TMEM117: variants seen among roughly 807,000 people sequenced by gnomAD.
TMEM117 encodes transmembrane protein 117.
In TMEM117, 27 loss-of-function variants were observed where a neutral mutation model predicts 52.4. That is an observed-to-expected ratio of 0.51 (90% CI 0.38 to 0.71). The LOEUF is 0.71. Among genes scored for constraint, TMEM117 ranks in the 30% least tolerant of loss-of-function variants. TMEM117 has a pLI of 0.00. For synonymous variants in TMEM117, 215 were observed against 206.3 expected, an observed-to-expected ratio of 1.04 and a Z score of -0.36; for missense variants, 556 against 630.5, an observed-to-expected ratio of 0.88 and a Z score of 1.26.
chr12:44,189,763 C>T (rs1316878789), intron 4 of TMEM117, among the ~76,000 whole-genome samples: 2 of 152,154 alleles, frequency 1.3e-5, no homozygotes, highest in South Asian at 2.1e-4. Context: ...GTAAAATCAA[C>T]TTTTCTGCAT....
chr12:44,101,252 C>CATATGTTGAA (rs1947856354), intron 3 of TMEM117, among the ~76,000 whole-genome samples: 1 of 151,510 alleles, frequency 6.6e-6, no homozygotes, highest in African/African-American at 2.4e-5. Context: ...TCAACATAAT[C>CATATGTTGAA]CTATGTTGAA....
chr12:44,303,253 T>C (rs1217754982), intron 6 of TMEM117, among the ~76,000 whole-genome samples: 1 of 152,036 alleles, frequency 6.6e-6, no homozygotes, highest in South Asian at 2.1e-4. Context: ...TTCTCTATGT[T>C]GGTCAGGCTG....
At position 44,211,382 on chromosome 12, in the gene TMEM117, A is replaced by T; in HGVS notation, c.603A>T (p.Leu201Phe). ...AGAAAGGAAATGTTAGGATCACTTT[A>T]TTCTGGTAGGAAATTGTTTCACTTA... Reference protein sequence around the residue: ...FWKKGNVRITLFWTVLFTLTS... With the variant: ...FWKKGNVRITFFWTVLFTLTS... The change falls in exon 5 of 8, where the codon TTA becomes TTT. Residue 201 changes from leucine (L) to phenylalanine (F), a missense_variant. Physicochemically the swap from Leu to Phe is conservative, Grantham distance 22. Around this residue, in one of 3 missense-constraint regions of TMEM117, gnomAD observed 328 missense variants for 371.4 expected, o/e 0.88. Coordinates refer to ENST00000266534, the MANE Select transcript of TMEM117 (RefSeq NM_032256.3). 1 of 1,602,590 alleles carries T rather than the reference A, an allele frequency of 6.2e-7. No homozygotes were observed. Among genetic ancestry groups the T allele is most frequent in the Non-Finnish European group, 8.5e-7 (1 of 1,173,194 alleles).
At chr12:44,107,843 C>T (rs1318707343) in intron 3 of TMEM117, among the ~76,000 whole-genome samples, 2 of 152,044 alleles carry the variant, frequency 1.3e-5, no homozygotes, top group Non-Finnish European at 1.5e-5. Context: ...TTTTTGTTTT[C>T]ATATTCTGGA....
intron 4 of TMEM117, 105 bp downstream of exon 4, chr12:44,143,729 T>C (rs1209389447): frequency 1.3e-6 from 1 of 743,558 alleles, no homozygotes; most frequent in African/African-American, 1.8e-5. Flanking sequence ...TAATTACCTC[T>C]CTTTGAGTGA....
chr12:44,137,235 C>A (rs1403291556), intron 3 of TMEM117, among the ~76,000 whole-genome samples: 1 of 151,846 alleles, frequency 6.6e-6, no homozygotes, highest in Non-Finnish European at 1.5e-5. Flanking sequence ...ATTATGACAA[C>A]ACTAGGGAAG....
chr12:44,290,575 G>C (rs1044712827), intron 5 of TMEM117, among the ~76,000 whole-genome samples: 8 of 152,148 alleles, frequency 5.3e-5, no homozygotes, highest in Non-Finnish European at 5.9e-5. Context: ...GTAGCATACT[G>C]TTTTGATTAC....
chr12:44,318,846 G>T (rs1371053541), intron 6 of TMEM117, among the ~76,000 whole-genome samples: 3 of 151,976 alleles, frequency 2.0e-5, no homozygotes, highest in African/African-American at 7.3e-5. Flanking sequence ...CATGTAAGTG[G>T]GTGCTCCAAA....
chr12:43,942,911 G>A (rs1403016944), intron 2 of TMEM117, among the ~76,000 whole-genome samples: 4 of 152,008 alleles, frequency 2.6e-5, no homozygotes, highest in Non-Finnish European at 4.4e-5. Context: ...GGGCGTGGTG[G>A]CTCAGGCCTG....
At chr12:44,019,028 T>C (rs1425290782) in intron 3 of TMEM117, among the ~76,000 whole-genome samples, 3 of 152,328 alleles carry the variant, frequency 2.0e-5, no homozygotes, top group African/African-American at 7.2e-5. Context: ...GTAGCTGCAC[T>C]CAACCCTAAG....
At chr12:44,117,726 C>T (rs10506236) in intron 3 of TMEM117, among the ~76,000 whole-genome samples, 15,652 of 151,838 alleles carry the variant, frequency 0.1, 904 homozygotes, top group Middle Eastern at 0.2. Context: ...TATATTTGAC[C>T]TGGAAACCAT....
chr12:43,798,510 C>T, the TMEM117 span: 3 of 1,442,546 alleles, frequency 2.1e-6, no homozygotes, highest in Non-Finnish European at 1.8e-6. Flanking sequence ...GGAGATTCTA[C>T]AGCATAAATG....
intron 6 of TMEM117, among the ~76,000 whole-genome samples, chr12:44,337,434 G>T (rs1592702670): frequency 6.6e-6 from 1 of 151,832 alleles, no homozygotes; most frequent in East Asian, 1.9e-4. Context: ...AATTAATTTG[G>T]GAGACACATT....
chr12:44,359,089 T>C (rs1309228373), intron 6 of TMEM117, among the ~76,000 whole-genome samples: 1 of 152,010 alleles, frequency 6.6e-6, no homozygotes, highest in Non-Finnish European at 1.5e-5. Context: ...TGAAAAGGAA[T>C]TTCTCCAACC....
chr12:44,086,929 C>CTTTATAATTATAAATTATATAATATATAA lies in TMEM117; in HGVS notation c.411-56593_411-56565dup. 1.4e-5 allele frequency among the ~76,000 whole-genome samples: 2 copies of CTTTATAATTATAAATTATATAATATATAA among 143,452 alleles called. 1 individual carries two copies. The highest frequency in any genetic ancestry group is 3.0e-5 in the Non-Finnish European group (2 of 66,142). The allele number at this position is 143,452 out of a possible 152,430, so 94.1% of individuals were successfully genotyped here. On this transcript the variant is annotated intron_variant, in intron 3 of 7. Coordinates refer to ENST00000266534, the MANE Select transcript of TMEM117 (RefSeq NM_032256.3). ...ATTGTCATTATTTACATTATTATGA[C>CTTTATAATTATAAATTATATAATATATAA]TTTATAATTATAAATTATATAATAT... is the stretch of plus-strand genomic sequence containing the variant.
At chr12:44,115,349 C>T (rs572741585) in intron 3 of TMEM117, among the ~76,000 whole-genome samples, 60 of 152,164 alleles carry the variant, frequency 3.9e-4, no homozygotes, top group African/African-American at 1.3e-3. Context: ...AGGAGATATA[C>T]CTGATGTAAA....
chr12:44,081,911 G>A (rs1947487245), intron 3 of TMEM117, among the ~76,000 whole-genome samples: 1 of 151,978 alleles, frequency 6.6e-6, no homozygotes, highest in African/African-American at 2.4e-5. Context: ...CTATGAGAGA[G>A]AGTTTAACTG....
intron 4 of TMEM117, among the ~76,000 whole-genome samples, chr12:44,144,574 T>C (rs1948615746): frequency 6.6e-6 from 1 of 152,186 alleles, no homozygotes; most frequent in Non-Finnish European, 1.5e-5. Context: ...TTTCTATTGA[T>C]TGCTTCTTAC....
At chr12:44,002,375 G>GCAT (rs1946129310) in intron 3 of TMEM117, among the ~76,000 whole-genome samples, 2 of 116,838 alleles carry the variant, frequency 1.7e-5, no homozygotes, top group Admixed American at 2.0e-4. Context: ...CCCCCTTTAG[G>GCAT]GATGAGATCT....
Sources: allele counts gnomAD v4.1 joint callset (sites outside exome capture counted in the v4.1 genomes callset), GRCh38; gene constraint gnomAD v4.1.1; regional missense constraint gnomAD v4.1.1; transcripts MANE v1.5; gene names NCBI Gene and HGNC (gene_info 2026-07-23, HGNC 2026-07-21).